Variants in LSAMP observed in about 807,000 individuals in gnomAD.
LSAMP encodes the protein limbic system associated membrane protein.
A neutral mutation model predicts 38.6 loss-of-function variants in LSAMP; 7 were observed. The ratio of observed to expected loss-of-function variants is 0.18; its 90% CI spans 0.10 to 0.34. LSAMP has a LOEUF of 0.34. LSAMP is among the 10% of genes least tolerant of loss of function. The pLI, the probability that LSAMP is intolerant of heterozygous loss-of-function variation, is 1.00. For synonymous variants in LSAMP, 154 were observed against 166.8 expected, an observed-to-expected ratio of 0.92 and a Z score of 0.59; for missense variants, 313 against 420.0, an observed-to-expected ratio of 0.75 and a Z score of 2.23.
intron 1 of LSAMP, among the ~76,000 whole-genome samples, chr3:116,442,149 A>G (rs1242159255): frequency 3.3e-5 from 5 of 152,216 alleles, no homozygotes; most frequent in African/African-American, 1.2e-4. Flanking sequence ...TCATAATTAT[A>G]CAAAAATGAG....
intron 3 of LSAMP, among the ~76,000 whole-genome samples, chr3:115,893,806 C>T (rs950818930): frequency 2.6e-5 from 4 of 151,984 alleles, no homozygotes; most frequent in Admixed American, 2.6e-4. Flanking sequence ...GACTTTTACA[C>T]CCAATTTGTG....
chr3:116,068,699 C>A (rs1215934016), intron 2 of LSAMP, among the ~76,000 whole-genome samples: 1 of 152,184 alleles, frequency 6.6e-6, no homozygotes, highest in African/African-American at 2.4e-5. Flanking sequence ...TTTTCATCAA[C>A]TATCTCAACA....
intron 1 of LSAMP, among the ~76,000 whole-genome samples, chr3:116,414,257 C>A (rs1176505494): frequency 6.6e-6 from 1 of 152,004 alleles, no homozygotes; most frequent in Non-Finnish European, 1.5e-5. Flanking sequence ...CCAGCAGACT[C>A]TTTTTCTTTC....
At chr3:116,021,566 C>A (rs1156828956) in intron 2 of LSAMP, among the ~76,000 whole-genome samples, 1 of 152,138 alleles carries the variant, frequency 6.6e-6, no homozygotes, top group East Asian at 1.9e-4. Context: ...CCTCAACAAT[C>A]CAAAACCTAT....
chr3:116,347,029 G>C (rs187359928), intron 1 of LSAMP, among the ~76,000 whole-genome samples: 53 of 152,284 alleles, frequency 3.5e-4, no homozygotes, highest in Non-Finnish European at 6.8e-4. Flanking sequence ...CTCGGTCTAT[G>C]ATAAAACACT....
rs78480908 is a variant in LSAMP, at chr3:116,192,022, G to GAA, written c.156-105468_156-105467dup. On this transcript the variant is annotated intron_variant, in intron 1 of 6. Coordinates refer to ENST00000490035, the MANE Select transcript of LSAMP (RefSeq NM_002338.5). ...TGTCTGAATTTCTGAATTACTGAGG[G>GAA]AAAAAAAAGAGATAACAAACATAAC... 6.6e-3 allele frequency among the ~76,000 whole-genome samples: 1,005 copies of GAA among 151,330 alleles called. 15 individuals are homozygous for GAA. Among genetic ancestry groups the GAA allele is most frequent in the African/African-American group, 0.023 (951 of 41,268 alleles).
chr3:115,950,274 G>A (rs534271013), intron 3 of LSAMP, among the ~76,000 whole-genome samples: 185 of 152,140 alleles, frequency 1.2e-3, no homozygotes, highest in African/African-American at 4.1e-3. Flanking sequence ...CACCCAAATT[G>A]GTAAAGAGGA....
intron 1 of LSAMP, among the ~76,000 whole-genome samples, chr3:116,211,695 A>G (rs532483510): frequency 1.3e-5 from 2 of 152,292 alleles, no homozygotes; most frequent in African/African-American, 4.8e-5. Context: ...TATGTGAGTG[A>G]ACTCTTATTA....
At chr3:116,002,859 G>A (rs917378035) in intron 3 of LSAMP, among the ~76,000 whole-genome samples, 3 of 152,044 alleles carry the variant, frequency 2.0e-5, no homozygotes, top group African/African-American at 7.2e-5. Flanking sequence ...GGTTTAAATA[G>A]GATACCTGAC....
chr3:116,420,101 C>CT (rs374517771), intron 1 of LSAMP, among the ~76,000 whole-genome samples: 9,467 of 143,506 alleles, frequency 0.066, 398 homozygotes, highest in Non-Finnish European at 0.097. Flanking sequence ...TTTTTCTTTT[C>CT]TTTTTTTTTT....
intron 2 of LSAMP, among the ~76,000 whole-genome samples, chr3:116,033,240 A>C (rs1940968833): frequency 6.6e-6 from 1 of 152,076 alleles, no homozygotes; most frequent in Non-Finnish European, 1.5e-5. Context: ...CTCTTTTTAA[A>C]ACTCAAGAAG....
intron 2 of LSAMP, among the ~76,000 whole-genome samples, chr3:116,045,144 T>C (rs999038898): frequency 1.3e-5 from 2 of 152,286 alleles, no homozygotes; most frequent in South Asian, 2.1e-4. Flanking sequence ...AAGACAGTTA[T>C]TGAAAATGTT....
In LSAMP at chr3:116,445,110, CG is replaced by C; in HGVS notation, c.-80del. 4 of 1,439,220 alleles carry C rather than the reference CG, an allele frequency of 2.8e-6. No individual in the cohort carries two copies. Among genetic ancestry groups the C allele is most frequent in the Non-Finnish European group, 3.8e-6 (4 of 1,059,018 alleles). The allele number at this position is 1,439,220 out of a possible 1,614,324, so 89.2% of individuals were successfully genotyped here. On this transcript the variant is annotated 5_prime_UTR_variant, in exon 1 of 7. It removes the in-frame stop codon of an upstream open reading frame in the 5' UTR. Coordinates refer to ENST00000490035, the MANE Select transcript of LSAMP (RefSeq NM_002338.5). ...CTCGCGAGGAGAGGCTTCACCAACA[CG>C]GGGCTTTCATCCACAGCGAGCGCAG...
chr3:116,047,255 G>T (rs1251633039), intron 2 of LSAMP, among the ~76,000 whole-genome samples: 2 of 151,862 alleles, frequency 1.3e-5, no homozygotes, highest in Non-Finnish European at 2.9e-5. Flanking sequence ...AGAAAGAAAA[G>T]GTTGCAACTC....
At chr3:116,198,781 A>AAAAAAAAAAAAG (rs2045948342) in intron 1 of LSAMP, among the ~76,000 whole-genome samples, 1 of 150,024 alleles carries the variant, frequency 6.7e-6, no homozygotes, top group Admixed American at 6.6e-5. Flanking sequence ...AGAAAAAAAA[A>AAAAAAAAAAAAG]GAAAATCAGA....
chr3:116,165,379 C>T (rs1710024628), intron 1 of LSAMP, among the ~76,000 whole-genome samples: 1 of 152,210 alleles, frequency 6.6e-6, no homozygotes, highest in Non-Finnish European at 1.5e-5. Context: ...AGTGCAATTC[C>T]TATCTTGTTT....
At chr3:116,155,742 T>C (rs886725108) in intron 1 of LSAMP, among the ~76,000 whole-genome samples, 1 of 140,936 alleles carries the variant, frequency 7.1e-6, no homozygotes, top group Non-Finnish European at 1.6e-5. Flanking sequence ...AGTAGAGATT[T>C]GCATTTTTTT....
chr3:116,000,662 A>G (rs527402677), intron 3 of LSAMP, among the ~76,000 whole-genome samples: 1 of 152,306 alleles, frequency 6.6e-6, no homozygotes, highest in East Asian at 1.9e-4. Flanking sequence ...GAGTGAGGAA[A>G]GACGATATTG....
At chr3:115,935,108 G>T (rs2107547794) in intron 3 of LSAMP, among the ~76,000 whole-genome samples, 1 of 152,154 alleles carries the variant, frequency 6.6e-6, no homozygotes, top group African/African-American at 2.4e-5. Context: ...GTGAGATAAT[G>T]ATGGCTTCTG....
Sources: gnomAD v4.1 joint callset for allele counts (sites outside exome capture counted in the v4.1 genomes callset) on GRCh38, gnomAD v4.1.1 for gene constraint, MANE v1.5 for transcripts, NCBI Gene and HGNC (gene_info 2026-07-23, HGNC 2026-07-21) for gene names.